The following RAD52 variants were observed in gnomAD, a reference collection of about 807,000 sequenced individuals.
The protein encoded by RAD52 is RAD52 DNA repair protein.
RAD52 carries 47 observed loss-of-function variants against 55.5 expected under a neutral mutation model. The ratio of observed to expected loss-of-function variants is 0.85; its 90% confidence interval spans 0.67 to 1.08. The LOEUF (loss-of-function observed/expected upper bound fraction) is 1.08, where lower values mean the gene tolerates loss of function less well. RAD52 is among the 50% of genes least tolerant of loss of function. RAD52 has a pLI of 0.00. For missense variants in RAD52, 468 were observed against 522.8 expected (o/e 0.90, Z 1.02); for synonymous variants, 184 against 198.9 (o/e 0.92, Z 0.63).
intron 1 of RAD52, among the ~76,000 whole-genome samples, chr12:957,991 A>G (rs528219876): frequency 3.4e-3 from 520 of 152,330 alleles, no homozygotes; most frequent in Non-Finnish European, 5.1e-3. Flanking sequence ...GGCAAGAGCC[A>G]GTGGCTTGAC....
At chr12:958,046 C>G (rs764194565) in intron 1 of RAD52, among the ~76,000 whole-genome samples, 7 of 152,162 alleles carry the variant, frequency 4.6e-5, no homozygotes, top group Non-Finnish European at 1.0e-4. Flanking sequence ...ACTCGCGTGG[C>G]CAGCAAGGAG....
intron 11 of RAD52, 123 bp from the exon 12 acceptor site, chr12:913,575 TAGG>T (rs1956205784): frequency 1.2e-6 from 1 of 862,706 alleles, no homozygotes. Context: ...GAATTACTGT[TAGG>T]AGGAAGGCAG....
intron 1 of RAD52, among the ~76,000 whole-genome samples, chr12:946,025 A>G (rs2154118756): frequency 6.6e-6 from 1 of 152,044 alleles, no homozygotes; most frequent in African/African-American, 2.4e-5. Flanking sequence ...CTCCGTCTCA[A>G]AAAAAACAAA....
At chr12:932,862 G>C (rs199878918) in intron 2 of RAD52, 113 bp downstream of exon 2, 42 of 331,222 alleles carry the variant, frequency 1.3e-4, no homozygotes, top group African/African-American at 4.8e-4. Flanking sequence ...ACACGTACTA[G>C]GTAAACGTAC....
chr12:953,126 G>C (rs767829178), upstream of RAD52, among the ~76,000 whole-genome samples: 67 of 149,084 alleles, frequency 4.5e-4, no homozygotes, highest in Admixed American at 6.0e-4. Context: ...CCAGCATGTT[G>C]AAACCCCGTC....
At chr12:932,611 C>T (rs547411807) in intron 2 of RAD52, among the ~76,000 whole-genome samples, 2 of 152,044 alleles carry the variant, frequency 1.3e-5, no homozygotes, top group South Asian at 2.1e-4. Flanking sequence ...TATCCCCCCC[C>T]ACAAAAAATT....
At chr12:917,300 C>T (rs1474076400) in intron 7 of RAD52, among the ~76,000 whole-genome samples, 2 of 152,202 alleles carry the variant, frequency 1.3e-5, no homozygotes, top group Non-Finnish European at 2.9e-5. Flanking sequence ...CGGCTGCCAG[C>T]CAAGGCTGCA....
chr12:971,787 G>A (rs948117217), intron 1 of RAD52, among the ~76,000 whole-genome samples: 6 of 151,396 alleles, frequency 4.0e-5, no homozygotes, highest in Non-Finnish European at 8.8e-5. Flanking sequence ...TCTCGCTGTC[G>A]CCCAGGCTGG....
chr12:926,511 G>T (rs1957044867), intron 6 of RAD52, among the ~76,000 whole-genome samples: 1 of 151,744 alleles, frequency 6.6e-6, no homozygotes, highest in African/African-American at 2.4e-5. Context: ...CTCAAAAAAT[G>T]AAAAACAACA....
chr12:969,377 T>G (rs1958810795), intron 1 of RAD52, among the ~76,000 whole-genome samples: 1 of 152,030 alleles, frequency 6.6e-6, no homozygotes, highest in Non-Finnish European at 1.5e-5. Flanking sequence ...GAGACTTTGG[T>G]GGGGCTGCAC....
At position 939,860 on chromosome 12, in the gene RAD52, A is replaced by C. The variant is rs535538214; in HGVS notation, c.-18-6784T>G. ...GGGAAGCTGAGGCAGGCGGATCACG[A>C]GGTCAGGAGTTTGAGACCAGCCTGG... On this transcript the variant is annotated intron_variant, in intron 1 of 11. Transcript: ENST00000358495. Among the ~76,000 whole-genome samples the C allele has an allele frequency of 2.0e-5, 3 of 152,212 alleles. No individual in the cohort carries two copies. The South Asian group carries it at 6.2e-4, about 32-fold the overall frequency.
At position 927,139 on chromosome 12, in the gene RAD52, G is replaced by A. The variant is rs755796257; in HGVS notation, c.467+6C>T. On this transcript the variant is annotated splice_donor_region_variant and intron_variant, in intron 6 of 11. Transcript: ENST00000358495. ...ACGCAGGTTAGACTCCCAGCCCCGC[G>A]CTCACCTGAGGGCTCGCTTCAGCCC... The A allele has an allele frequency of 1.7e-5, 27 of 1,610,964 alleles. No individual in the cohort carries two copies. The highest frequency in any genetic ancestry group is 5.5e-5 in the South Asian group (5 of 91,040).
At chr12:985,795 A>G (rs1356835338) in intron 1 of RAD52, among the ~76,000 whole-genome samples, 2 of 151,606 alleles carry the variant, frequency 1.3e-5, no homozygotes, top group Non-Finnish European at 2.9e-5. Context: ...GGCGCCCACC[A>G]CCACGCCCAA....
chr12:966,843 G>T lies in RAD52; in HGVS notation c.-19+22966C>A, dbSNP rs140057574. On this transcript the variant is annotated intron_variant, in intron 1 of 11. Coordinates refer to the RAD52 transcript ENST00000430095. ...TAAAAATAAATAGCCTTTAAATAAG[G>T]CCGGCGAGGCTCTCCTTTGAACGCG... Among the ~76,000 whole-genome samples the T allele has an allele frequency of 4.8e-3, 730 of 151,970 alleles. 15 individuals carry two copies. The highest frequency in any genetic ancestry group is 0.017 in the African/African-American group (695 of 41,350).
chr12:978,204 C>A (rs898221095), intron 1 of RAD52, among the ~76,000 whole-genome samples: 1 of 152,092 alleles, frequency 6.6e-6, no homozygotes, highest in African/African-American at 2.4e-5. Context: ...CCACCATGCC[C>A]GGCTAATTTT....
At chr12:985,874 T>C (rs1241597460) in intron 1 of RAD52, among the ~76,000 whole-genome samples, 1 of 151,830 alleles carries the variant, frequency 6.6e-6, no homozygotes, top group Non-Finnish European at 1.5e-5. Flanking sequence ...ACTCCTAACC[T>C]GGTGATCCAC....
chr12:931,280 G>C lies in RAD52; in HGVS notation c.126C>G (p.Ala42=), dbSNP rs199791104. The C allele has an allele frequency of 6.2e-7, 1 of 1,611,986 alleles. No individual in the cohort carries two copies. Among genetic ancestry groups the C allele is most frequent in the Admixed American group, 1.7e-5 (1 of 59,768 alleles). The change falls in exon 3 of 12, where the codon GCC becomes GCG. Residue 42 remains alanine, a synonymous_variant. Coordinates refer to ENST00000358495, the MANE Select transcript of RAD52 (RefSeq NM_134424.4). ...TAEEYQAIQK[A]LRQRLGPEYI... ...ATTCTGGGCCCAGCCTCTGCCTCAG[G>C]GCCTTCTGGATGGCCTGGTACTCTT...
chr12:965,840 C>T (rs1396808188), intron 1 of RAD52, among the ~76,000 whole-genome samples: 3 of 151,962 alleles, frequency 2.0e-5, no homozygotes, highest in Non-Finnish European at 4.4e-5. Flanking sequence ...ATATGCACCA[C>T]CACACCTGGC....
At chr12:970,980 G>C (rs981106992) in intron 1 of RAD52, among the ~76,000 whole-genome samples, 7 of 152,142 alleles carry the variant, frequency 4.6e-5, no homozygotes, top group Admixed American at 1.3e-4. Flanking sequence ...GTTTCTAAGA[G>C]TCAAAATGTA....
Sources: allele counts gnomAD v4.1 joint callset (sites outside exome capture counted in the v4.1 genomes callset), GRCh38; gene constraint gnomAD v4.1.1; transcripts MANE v1.5; gene names NCBI Gene and HGNC (gene_info 2026-07-23, HGNC 2026-07-21).